Variants in HOOK1 observed in about 807,000 individuals in gnomAD.
The protein encoded by HOOK1 is protein Hook homolog 1.
HOOK1 carries 60 observed loss-of-function variants against 112.8 expected under a neutral mutation model. That is an observed-to-expected ratio of 0.53 (90% CI 0.43 to 0.66). The LOEUF (loss-of-function observed/expected upper bound fraction) is 0.66, where lower values mean the gene tolerates loss of function less well. Ranked by LOEUF, HOOK1 falls within the 30% of genes least tolerant of loss-of-function variation. The probability of loss-of-function intolerance (pLI) is 0.00; values close to 1 mark genes in which losing one functional copy is unlikely to be tolerated. For synonymous variants in HOOK1, 294 were observed against 283.8 expected (o/e 1.04, Z -0.36); for missense variants, 770 against 856.0 (o/e 0.90, Z 1.25).
intron 3 of HOOK1, among the ~76,000 whole-genome samples, chr1:59,829,244 C>T (rs1299716707): frequency 4.6e-5 from 7 of 151,936 alleles, no homozygotes; most frequent in Non-Finnish European, 1.0e-4. Context: ...GTAGTTATTT[C>T]TTTTTTTGCT....
intron 12 of HOOK1, among the ~76,000 whole-genome samples, chr1:59,855,534 T>C (rs2098409993): frequency 6.6e-6 from 1 of 152,140 alleles, no homozygotes; most frequent in Non-Finnish European, 1.5e-5. Flanking sequence ...CAATCTGTCA[T>C]TAATGGGCAT....
In HOOK1 at chr1:59,860,327, A is replaced by G; in HGVS notation, c.1531A>G (p.Arg511Gly). The change falls in exon 15 of 22, where the codon AGG becomes GGG. Residue 511 changes from arginine (R) to glycine (G), a missense_variant and splice_region_variant. Transcript: ENST00000371208. ...AATGAATGAACTGGAAACTGAGCAG[A>G]GGTGATATGCTCCTTAGTAACTGAA... is the stretch of plus-strand genomic sequence containing the variant. ...RKMNELETEQ[R>G]LSKERIRELQ... is the part of the protein sequence containing the mutation. 1 of 1,590,034 alleles carries G rather than the reference A, an allele frequency of 6.3e-7. No individual in the cohort carries two copies. Among genetic ancestry groups the G allele is most frequent in the Non-Finnish European group, 8.5e-7 (1 of 1,169,728 alleles).
At position 59,815,036 on chromosome 1, in the gene HOOK1, G is replaced by A; in HGVS notation, c.-82G>A. 1.4e-6 allele frequency: 2 copies of A among 1,400,252 alleles called. No homozygotes were observed. Among genetic ancestry groups the A allele is most frequent in the Non-Finnish European group, 2.0e-6 (2 of 1,024,708 alleles). 86.7% of individuals were successfully genotyped at this position (1,400,252 alleles called of 1,614,324 possible). On this transcript the variant is annotated 5_prime_UTR_variant, in exon 1 of 22. Transcript: ENST00000371208. ...ACCGAGCTTTCCTGGGGGCTAGCAG[G>A]TCGTGGACGCCGGCTCCTGGAGGAG... is the stretch of plus-strand genomic sequence containing the variant.
intron 12 of HOOK1, among the ~76,000 whole-genome samples, chr1:59,855,274 CCT>C (rs2098409870): frequency 6.6e-6 from 1 of 152,144 alleles, no homozygotes; most frequent in South Asian, 2.1e-4. Flanking sequence ...CTTTTCTGCT[CCT>C]CTCTCTCCAC....
chr1:59,853,561 T>G (rs1369847720), intron 12 of HOOK1, among the ~76,000 whole-genome samples: 1 of 152,130 alleles, frequency 6.6e-6, no homozygotes, highest in African/African-American at 2.4e-5. Context: ...TGCTTTTCAA[T>G]TGGAGTTTGG....
chr1:59,823,822 CTTTT>C (rs1391021575), intron 2 of HOOK1, among the ~76,000 whole-genome samples: 2 of 152,256 alleles, frequency 1.3e-5, no homozygotes, highest in East Asian at 3.9e-4. Flanking sequence ...TTTCTTCTTT[CTTTT>C]GTCTGTAACA....
At chr1:59,823,238 T>G (rs1171860244) in intron 2 of HOOK1, among the ~76,000 whole-genome samples, 4 of 152,220 alleles carry the variant, frequency 2.6e-5, no homozygotes. Context: ...GAGAATGGCG[T>G]GAACCTGGGA....
intron 12 of HOOK1, among the ~76,000 whole-genome samples, chr1:59,854,786 T>C (rs1232313749): frequency 1.3e-5 from 2 of 152,206 alleles, no homozygotes; most frequent in Admixed American, 1.3e-4. Context: ...TTTTAGTTTA[T>C]TGTACTTTGA....
Position 59,876,110 on chromosome 1 carries a change from T to C in HOOK1, c.*3145T>C, listed in dbSNP as rs1205717974. 1 of 152,648 alleles carries C rather than the reference T, an allele frequency of 6.6e-6. No individual in the cohort carries two copies. Among genetic ancestry groups the C allele is most frequent in the Non-Finnish European group, 1.5e-5 (1 of 68,024 alleles). 9.5% of individuals were successfully genotyped at this position (152,648 alleles called of 1,614,324 possible). ...ACATTTTTATTGTGCACCTGTACATTGTGAAGAAGTAGTTTGGAAATTTGT... is the reference window on the plus strand; with the variant it reads ...ACATTTTTATTGTGCACCTGTACATCGTGAAGAAGTAGTTTGGAAATTTGT... On this transcript the variant is annotated 3_prime_UTR_variant, in exon 22 of 22. Coordinates refer to ENST00000371208, the MANE Select transcript of HOOK1 (RefSeq NM_015888.6).
rs547374163 is a variant in HOOK1, at chr1:59,820,369, T to A, written c.64-1489T>A. On this transcript the variant is annotated intron_variant, in intron 1 of 21. Transcript: ENST00000371208. Reference sequence around the variant, plus strand: ...TTATTATGTAGATAATGCCATTAAGTGTAAAATAAGTCCAAGCTTCTTGTC... The same window carrying A: ...TTATTATGTAGATAATGCCATTAAGAGTAAAATAAGTCCAAGCTTCTTGTC... 2.0e-5 allele frequency among the ~76,000 whole-genome samples: 3 copies of A among 152,314 alleles called. No individual in the cohort carries two copies. In the East Asian group the frequency reaches 5.8e-4, roughly 29 times the overall value.
chr1:59,829,649 C>G (rs72921686), intron 3 of HOOK1, among the ~76,000 whole-genome samples: 14,409 of 151,852 alleles, frequency 0.095, 901 homozygotes, highest in African/African-American at 0.18. Context: ...TTATTTGTGT[C>G]TTTTGAATTT....
Position 59,858,446 on chromosome 1 carries a change from G to C in HOOK1, c.1261G>C (p.Asp421His), listed in dbSNP as rs1431424485. The change falls in exon 13 of 22, where the codon GAT (aspartate) becomes CAT (histidine). Residue 421 changes from aspartate (D) to histidine (H), a missense_variant. This residue lies in a region of HOOK1 where 655 missense variants were observed against 725.9 expected (regional missense o/e 0.90). Coordinates refer to ENST00000371208, the MANE Select transcript of HOOK1 (RefSeq NM_015888.6). ...TTTTCAGAGACTAATTGAGCAGCGT[G>C]ATACTTTGAAAGAAACAAATGAAGA... ...KEKERLIEQR[D>H]TLKETNEELR... 1.9e-6 allele frequency: 3 copies of C among 1,611,592 alleles called. No homozygotes were observed. Among genetic ancestry groups the C allele is most frequent in the Non-Finnish European group, 2.5e-6 (3 of 1,177,732 alleles).
chr1:59,862,976 A>G, intron 16 of HOOK1, 99 bp downstream of exon 16: 1 of 676,912 alleles, frequency 1.5e-6, no homozygotes, highest in Non-Finnish European at 2.6e-6. Flanking sequence ...TACAGCCCTT[A>G]TCATTGAGAA....
At chr1:59,850,906 T>C (rs2098406829) in intron 12 of HOOK1, among the ~76,000 whole-genome samples, 1 of 151,536 alleles carries the variant, frequency 6.6e-6, no homozygotes, top group African/African-American at 2.4e-5. Flanking sequence ...TCAATTTTTC[T>C]AAAAACCTAA....
chr1:59,873,652 C>T lies in HOOK1; in HGVS notation c.*687C>T, dbSNP rs1644090990. On this transcript the variant is annotated 3_prime_UTR_variant, in exon 22 of 22. Transcript: ENST00000371208. ...CCTATGGCAAATAAGGGCTTCTGGA[C>T]ATCATGTTTAAAATGTTAAGCATAA... The T allele has an allele frequency of 6.8e-6, 1 of 146,396 alleles. No individual in the cohort carries two copies. The highest frequency in any genetic ancestry group is 7.0e-5 in the Admixed American group (1 of 14,372). The allele number at this position is 146,396 out of a possible 1,614,324, so 9.1% of individuals were successfully genotyped here. A position where few individuals can be genotyped will look rare whatever the true frequency, so the allele number is the denominator to read the frequency against.
At chr1:59,815,610 C>T (rs766402172) in intron 1 of HOOK1, among the ~76,000 whole-genome samples, 24 of 152,030 alleles carry the variant, frequency 1.6e-4, no homozygotes, top group Non-Finnish European at 3.2e-4. Flanking sequence ...GAAACCTAAC[C>T]CTGCATCCTC....
At position 59,843,523 on chromosome 1, in the gene HOOK1, A is replaced by C. The variant is rs778677176; in HGVS notation, c.713A>C (p.Asp238Ala). ...GACCAGTTGGATGGCTCTTTTGATGATCCAAACACAGTGGTTGCAAAAAAG... is the reference window on the plus strand; with the variant it reads ...GACCAGTTGGATGGCTCTTTTGATGCTCCAAACACAGTGGTTGCAAAAAAG... ...KLDQLDGSFD[D>A]PNTVVAKKYF... is the part of the protein sequence containing the mutation. Residue 238 changes from aspartate (D) to alanine (A), a missense_variant, in exon 9 of 22, where the codon GAT (aspartate) becomes GCT (alanine). Transcript: ENST00000371208. 6.2e-7 allele frequency: 1 copy of C among 1,610,778 alleles called. No individual in the cohort carries two copies.
At position 59,872,977 on chromosome 1, in the gene HOOK1, A is replaced by T. The variant is rs781698277; in HGVS notation, c.*12A>T. On this transcript the variant is annotated 3_prime_UTR_variant, in exon 22 of 22. Coordinates refer to ENST00000371208, the MANE Select transcript of HOOK1 (RefSeq NM_015888.6). ...CAACATCTGATTAAACTGCAAAAAAAACAAAACAAAACAAAAAAACCACAT... is the reference window on the plus strand; with the variant it reads ...CAACATCTGATTAAACTGCAAAAAATACAAAACAAAACAAAAAAACCACAT... 7.0e-7 allele frequency: 1 copy of T among 1,437,354 alleles called. No homozygotes were observed. The allele number at this position is 1,437,354 out of a possible 1,614,324, so 89.0% of individuals were successfully genotyped here. A position where few individuals can be genotyped will look rare whatever the true frequency, so the allele number is the denominator to read the frequency against.
chr1:59,865,461 A>G (rs1242480626), intron 18 of HOOK1, among the ~76,000 whole-genome samples: 1 of 152,150 alleles, frequency 6.6e-6, no homozygotes, highest in Non-Finnish European at 1.5e-5. Context: ...GATATATGGG[A>G]GTATCAAACA....
Sources: allele counts gnomAD v4.1 joint callset (sites outside exome capture counted in the v4.1 genomes callset), GRCh38; gene constraint gnomAD v4.1.1; regional missense constraint gnomAD v4.1.1; transcripts MANE v1.5; gene names NCBI Gene and HGNC (gene_info 2026-07-23, HGNC 2026-07-21).